The following RANBP17 variants were observed in gnomAD, a reference collection of about 807,000 sequenced individuals.
RANBP17 encodes RAN binding protein 17.
RANBP17 carries 158 observed loss-of-function variants against 141.2 expected under a neutral mutation model. The ratio of observed to expected loss-of-function variants is 1.12; its 90% CI spans 0.98 to 1.28. RANBP17 has a LOEUF of 1.28. RANBP17 is among the 50% of genes most tolerant of loss of function. The probability of loss-of-function intolerance (pLI) is 0.00; values close to 1 mark genes in which losing one functional copy is unlikely to be tolerated. For missense variants in RANBP17, 1,438 were observed against 1,290.7 expected (o/e 1.11, Z -1.75); for synonymous variants, 430 against 450.0 (o/e 0.96, Z 0.56).
At chr5:171,206,098 G>T in intron 20 of RANBP17, 1 of 263,856 alleles carries the variant, frequency 3.8e-6, no homozygotes, top group East Asian at 1.0e-4. Context: ...TTGTCATTTG[G>T]TGTAAAATTT....
At chr5:170,914,269 A>T in intron 8 of RANBP17, 29 bp downstream of exon 8, 1 of 1,405,036 alleles carries the variant, frequency 7.1e-7, no homozygotes, top group Non-Finnish European at 1.0e-6. Flanking sequence ...TTATTTCGTT[A>T]AAAAATACCT....
At chr5:171,043,169 T>C (rs1195510157) in intron 14 of RANBP17, among the ~76,000 whole-genome samples, 1 of 152,230 alleles carries the variant, frequency 6.6e-6, no homozygotes, top group African/African-American at 2.4e-5. Context: ...GAGACAAATA[T>C]GTAAAATGAA....
intron 14 of RANBP17, among the ~76,000 whole-genome samples, chr5:171,053,418 C>T (rs1431881868): frequency 1.3e-5 from 2 of 152,044 alleles, no homozygotes; most frequent in African/African-American, 2.4e-5. Flanking sequence ...GTAGAATTTT[C>T]ATTGTACAAA....
At chr5:170,895,985 G>A in intron 4 of RANBP17, 65 bp from the exon 5 acceptor site, 6 of 845,500 alleles carry the variant, frequency 7.1e-6, no homozygotes, top group Non-Finnish European at 1.1e-5. Context: ...AATGTTACCT[G>A]GTATATACAT....
chr5:171,171,386 T>A lies in RANBP17; in HGVS notation c.1865+100T>A, dbSNP rs192360382. ...CTTGTTTATAATTTTTGCAATTTTT[T>A]AAAAAAATAAAAAGACCTTTCATTT... On this transcript the variant is annotated intron_variant, in intron 16 of 27. Transcript: ENST00000523189. 906 of 615,964 alleles carry A rather than the reference T, an allele frequency of 1.5e-3. 4 individuals carry two copies. Among genetic ancestry groups the A allele is most frequent in the African/African-American group, 0.015 (775 of 53,208 alleles). 38.2% of individuals were successfully genotyped at this position (615,964 alleles called of 1,614,324 possible). A position where few individuals can be genotyped will look rare whatever the true frequency, so the allele number is the denominator to read the frequency against.
chr5:171,198,882 A>G (rs1762133302), intron 18 of RANBP17, among the ~76,000 whole-genome samples: 1 of 152,252 alleles, frequency 6.6e-6, no homozygotes. Context: ...CCTGTGACTT[A>G]GGATGAATGA....
chr5:170,869,933 C>A (rs1319942094), intron 1 of RANBP17, among the ~76,000 whole-genome samples: 1 of 152,154 alleles, frequency 6.6e-6, no homozygotes, highest in Non-Finnish European at 1.5e-5. Flanking sequence ...ATCCTCCAAA[C>A]CTATGAGATT....
chr5:170,972,102 T>G (rs763066805), intron 14 of RANBP17, among the ~76,000 whole-genome samples: 2 of 152,098 alleles, frequency 1.3e-5, no homozygotes, highest in Non-Finnish European at 2.9e-5. Flanking sequence ...TTTTCTACAT[T>G]TCTGTGTATA....
Position 170,894,488 on chromosome 5 carries a change from A to T in RANBP17, c.424-1562A>T, listed in dbSNP as rs1482168218. Among the ~76,000 whole-genome samples, 6 of 144,476 alleles carry T rather than the reference A, an allele frequency of 4.2e-5. 1 individual carries two copies. The highest frequency in any genetic ancestry group is 9.0e-5 in the Non-Finnish European group (6 of 66,536). The allele number at this position is 144,476 out of a possible 152,430, so 94.8% of individuals were successfully genotyped here. A position where few individuals can be genotyped will look rare whatever the true frequency, so the allele number is the denominator to read the frequency against. ...ATAGAATAGTTAGTACGTGTTTTTT[A>T]TATATATATATATATATATGGCTTG... On this transcript the variant is annotated intron_variant, in intron 4 of 27. Transcript: ENST00000523189.
rs753684946 is a variant in RANBP17, at chr5:171,205,593, A to G, written c.2212A>G (p.Thr738Ala). The stretch of plus-strand genomic sequence containing the variant: ...TGCACTGAACACAAAGACCAGCTAC[A>G]CCATGCTGTTTGACTGGATGTATCC... ...AFALNTKTSYTMLFDWMYPTY... is the reference protein window; with the variant it reads ...AFALNTKTSYAMLFDWMYPTY... The change falls in exon 20 of 28, where the codon ACC (threonine) becomes GCC (alanine). Residue 738 changes from threonine to alanine, a missense_variant. Transcript: ENST00000523189. The G allele has an allele frequency of 1.5e-5, 25 of 1,613,640 alleles. No individual in the cohort carries two copies. In the African/African-American group the frequency reaches 2.5e-4, roughly 16 times the overall value.
At chr5:171,045,602 G>C (rs952306888) in intron 14 of RANBP17, among the ~76,000 whole-genome samples, 2 of 152,178 alleles carry the variant, frequency 1.3e-5, no homozygotes, top group South Asian at 2.1e-4. Context: ...AAAGGCTTTA[G>C]TAATAAAAAA....
chr5:171,297,279 G>T (rs143952429), intron 27 of RANBP17, among the ~76,000 whole-genome samples: 1,776 of 152,246 alleles, frequency 0.012, 19 homozygotes, highest in Middle Eastern at 0.037. Context: ...AGGCATTGGG[G>T]TTACCAGTGG....
At chr5:171,234,744 T>A (rs1764429537) in intron 22 of RANBP17, among the ~76,000 whole-genome samples, 1 of 152,164 alleles carries the variant, frequency 6.6e-6, no homozygotes, top group Non-Finnish European at 1.5e-5. Context: ...AAGGCTAAGA[T>A]GGGTGTGGGG....
chr5:170,992,749 G>A (rs148292336), intron 14 of RANBP17, among the ~76,000 whole-genome samples: 2,027 of 152,116 alleles, frequency 0.013, 27 homozygotes, highest in Admixed American at 0.024. Flanking sequence ...AAGAAAGGAG[G>A]TAAGATTTTT....
intron 18 of RANBP17, among the ~76,000 whole-genome samples, chr5:171,193,167 A>G (rs991317860): frequency 7.2e-5 from 11 of 152,202 alleles, no homozygotes; most frequent in African/African-American, 2.4e-4. Flanking sequence ...AGTTTGGACC[A>G]GAGCTTCATT....
chr5:170,946,259 AT>A (rs1378078435), intron 12 of RANBP17, among the ~76,000 whole-genome samples: 10 of 152,146 alleles, frequency 6.6e-5, no homozygotes, highest in Admixed American at 6.6e-4. Context: ...AAAAATCTAA[AT>A]TGATAAAACA....
chr5:171,070,881 C>G (rs914580373), intron 14 of RANBP17, among the ~76,000 whole-genome samples: 1 of 151,930 alleles, frequency 6.6e-6, no homozygotes, highest in Non-Finnish European at 1.5e-5. Context: ...GCATTGTTTT[C>G]CATTTTATGA....
intron 13 of RANBP17, among the ~76,000 whole-genome samples, chr5:170,960,852 A>G (rs1208298594): frequency 6.6e-6 from 1 of 152,142 alleles, no homozygotes; most frequent in Non-Finnish European, 1.5e-5. Context: ...CATTATAGCC[A>G]TGTTGAACAT....
At chr5:171,072,535 T>C (rs1216523947) in intron 14 of RANBP17, among the ~76,000 whole-genome samples, 1 of 152,084 alleles carries the variant, frequency 6.6e-6, no homozygotes, top group African/African-American at 2.4e-5. Context: ...AAAAGATACT[T>C]AACATCATTT....
Sources: gnomAD v4.1 joint callset for allele counts (sites outside exome capture counted in the v4.1 genomes callset) on GRCh38, gnomAD v4.1.1 for gene constraint, MANE v1.5 for transcripts, NCBI Gene and HGNC (gene_info 2026-07-23, HGNC 2026-07-21) for gene names.